Variants in MEP1B observed in about 807,000 individuals in gnomAD.
MEP1B encodes meprin A subunit beta.
Under a neutral mutation model 84.6 loss-of-function variants are expected in MEP1B, and 80 were observed. That is an observed-to-expected ratio of 0.95 (90% CI 0.79 to 1.14). MEP1B has a LOEUF of 1.14. MEP1B is among the 50% of genes most tolerant of loss of function. MEP1B has a pLI of 0.00. For synonymous variants in MEP1B, 273 were observed against 288.1 expected, an observed-to-expected ratio of 0.95 and a Z score of 0.53; for missense variants, 766 against 855.1, an observed-to-expected ratio of 0.90 and a Z score of 1.30.
intron 5 of MEP1B, among the ~76,000 whole-genome samples, chr18:32,201,936 G>C (rs1404149167): frequency 6.6e-6 from 1 of 152,182 alleles, no homozygotes; most frequent in Non-Finnish European, 1.5e-5. Context: ...ATGAACATTT[G>C]ACAAATGCTA....
intron 5 of MEP1B, among the ~76,000 whole-genome samples, chr18:32,198,121 G>A (rs1054737974): frequency 6.6e-6 from 1 of 152,290 alleles, no homozygotes; most frequent in Non-Finnish European, 1.5e-5. Context: ...GCACATTGGA[G>A]GGGCAGTAAA....
intron 10 of MEP1B, among the ~76,000 whole-genome samples, chr18:32,210,990 G>A (rs1321483703): frequency 6.6e-5 from 10 of 152,184 alleles, no homozygotes; most frequent in African/African-American, 2.2e-4. Flanking sequence ...AAGGCTGGGC[G>A]CAGTGGCTCA....
chr18:32,215,600 G>A (rs2144430598), intron 12 of MEP1B, among the ~76,000 whole-genome samples: 1 of 152,228 alleles, frequency 6.6e-6, no homozygotes, highest in East Asian at 1.9e-4. Flanking sequence ...CGAGGCGAGT[G>A]GATCACGAGG....
intron 5 of MEP1B, 55 bp from the exon 6 acceptor site, chr18:32,202,838 T>G (rs1403088236): frequency 8.7e-7 from 1 of 1,142,952 alleles, no homozygotes; most frequent in Non-Finnish European, 1.3e-6. Flanking sequence ...CCATGGAAGA[T>G]TTTTCAGTGG....
At chr18:32,200,468 CTTG>C (rs2040900871) in intron 5 of MEP1B, among the ~76,000 whole-genome samples, 1 of 152,076 alleles carries the variant, frequency 6.6e-6, no homozygotes, top group Non-Finnish European at 1.5e-5. Flanking sequence ...TAGAATTCAA[CTTG>C]TTTTCTATGT....
At chr18:32,208,374 TA>T in intron 9 of MEP1B, 103 bp downstream of exon 9, 1 of 1,194,886 alleles carries the variant, frequency 8.4e-7, no homozygotes, top group Non-Finnish European at 1.1e-6. Context: ...TCAGAATTAT[TA>T]ATGATTATTC....
Position 32,196,899 on chromosome 18 carries a change from C to G in MEP1B, c.250+1414C>G. 1 of 435,794 alleles carries G rather than the reference C, an allele frequency of 2.3e-6. No homozygotes were observed. Among genetic ancestry groups the G allele is most frequent in the Non-Finnish European group, 4.3e-6 (1 of 230,634 alleles). The allele number at this position is 435,794 out of a possible 1,614,324, so 27.0% of individuals were successfully genotyped here. ...GCGGGCAAGGAGGCGCAGGCAGGCTCAGATCTCCACGTGCACTGCTCCCTA... is the reference window on the plus strand; with the variant it reads ...GCGGGCAAGGAGGCGCAGGCAGGCTGAGATCTCCACGTGCACTGCTCCCTA... On this transcript the variant is annotated intron_variant, in intron 5 of 14. Transcript: ENST00000269202. The surrounding 1 kb of genome is among the most constrained non-coding windows in gnomAD (Gnocchi z 4.4).
intron 13 of MEP1B, 129 bp downstream of exon 13, chr18:32,217,246 A>ATT (rs969783440): frequency 1.1e-5 from 12 of 1,050,178 alleles, no homozygotes; most frequent in Admixed American, 3.0e-5. Context: ...CATTCATAGA[A>ATT]TTTTTTTTTT....
chr18:32,213,730 G>T (rs1340514037), intron 11 of MEP1B, among the ~76,000 whole-genome samples, 171 bp downstream of exon 11: 3 of 152,186 alleles, frequency 2.0e-5, no homozygotes, highest in African/African-American at 7.2e-5. Context: ...GAGTCTGTCA[G>T]ACAGGAGCTC....
At chr18:32,207,977 CT>C (rs1224181764) in intron 8 of MEP1B, 141 bp from the exon 9 acceptor site, 1 of 790,424 alleles carries the variant, frequency 1.3e-6, no homozygotes, top group African/African-American at 1.7e-5. Flanking sequence ...AAAGAGGGAT[CT>C]TTAAGCCACC....
At chr18:32,214,733 A>G (rs1181393492) in intron 11 of MEP1B, among the ~76,000 whole-genome samples, 1 of 152,218 alleles carries the variant, frequency 6.6e-6, no homozygotes, top group East Asian at 1.9e-4. Flanking sequence ...GGACTCTCTT[A>G]GTAGCCTTGA....
chr18:32,216,920 A>G, intron 12 of MEP1B, 71 bp from the exon 13 acceptor site: 1 of 1,500,614 alleles, frequency 6.7e-7, no homozygotes, highest in Non-Finnish European at 9.0e-7. Context: ...TTAAAAGAAA[A>G]TGAAAATTAA....
chr18:32,203,809 T>G (rs1023421439), intron 6 of MEP1B, among the ~76,000 whole-genome samples: 1 of 152,098 alleles, frequency 6.6e-6, no homozygotes, highest in Non-Finnish European at 1.5e-5. Flanking sequence ...AGCAGGCATG[T>G]CGCATGGCAA....
In MEP1B at chr18:32,213,235, G is replaced by T. The variant is rs1386908729; in HGVS notation, c.1255G>T (p.Asp419Tyr). The T allele has an allele frequency of 1.2e-6, 2 of 1,613,970 alleles. No homozygotes were observed. Among genetic ancestry groups the T allele is most frequent in the East Asian group, 2.2e-5 (1 of 44,878 alleles). The change falls in exon 11 of 15, where the codon GAC becomes TAC. Residue 419 changes from aspartate (D) to tyrosine (Y), a missense_variant. By Grantham distance (160) the Asp-to-Tyr change is radical. Coordinates refer to ENST00000269202, the MANE Select transcript of MEP1B (RefSeq NM_005925.3). ...GASLGGLSID[D>Y]INLSETRCPH... ...ATCACTGGGTGGTCTGTCTATTGAT[G>T]ACATCAATCTTTCGGAAACACGGTG...
chr18:32,212,999 C>A, intron 10 of MEP1B, 117 bp from the exon 11 acceptor site: 1 of 907,680 alleles, frequency 1.1e-6, no homozygotes, highest in Non-Finnish European at 1.7e-6. Context: ...ATACTTCTGA[C>A]CTGTAGAAAT....
intron 6 of MEP1B, among the ~76,000 whole-genome samples, chr18:32,203,962 C>T (rs976513584): frequency 1.3e-5 from 2 of 152,162 alleles, no homozygotes; most frequent in African/African-American, 4.8e-5. Context: ...CATGAGGTCC[C>T]ACCTCCAGCA....
intron 1 of MEP1B, 71 bp downstream of exon 1, chr18:32,190,204 T>C: frequency 9.0e-7 from 1 of 1,106,450 alleles, no homozygotes; most frequent in Non-Finnish European, 1.3e-6. Flanking sequence ...AAAGAACAAG[T>C]GTTTTTTTTT....
chr18:32,212,072 TTA>T (rs1358576639), intron 10 of MEP1B, among the ~76,000 whole-genome samples: 1 of 148,380 alleles, frequency 6.7e-6, no homozygotes, highest in Non-Finnish European at 1.5e-5. Flanking sequence ...TATAAAAGCC[TTA>T]TATATAAGCC....
At position 32,204,378 on chromosome 18, in the gene MEP1B, T is replaced by G; in HGVS notation, c.547+18T>G. 1 of 1,558,178 alleles carries G rather than the reference T, an allele frequency of 6.4e-7. No individual in the cohort carries two copies. Among genetic ancestry groups the G allele is most frequent in the Non-Finnish European group, 8.7e-7 (1 of 1,148,260 alleles). On this transcript the variant is annotated intron_variant, in intron 7 of 14. Transcript: ENST00000269202. ...TCTGTCAGGTACATTTCTCTTTTTTTCCTATGTTTTTAGTTAAGGACTGAA... is the reference window on the plus strand; with the variant it reads ...TCTGTCAGGTACATTTCTCTTTTTTGCCTATGTTTTTAGTTAAGGACTGAA...
Sources: gnomAD v4.1 joint callset for allele counts (sites outside exome capture counted in the v4.1 genomes callset) on GRCh38, gnomAD v4.1.1 for gene constraint, Gnocchi (gnomAD v3.1) non-coding constraint, MANE v1.5 for transcripts, NCBI Gene and HGNC (gene_info 2026-07-23, HGNC 2026-07-21) for gene names.